ROBO1: variants seen among roughly 807,000 people sequenced by gnomAD.
The protein encoded by ROBO1 is roundabout guidance receptor 1.
ROBO1 carries 149 observed loss-of-function variants against 195.9 expected under a neutral mutation model. The observed-to-expected ratio is 0.76, with a 90% CI of 0.67 to 0.87. The LOEUF is 0.87. Ranked by LOEUF, ROBO1 falls within the 40% of genes least tolerant of loss-of-function variation. ROBO1 has a pLI of 0.00. For synonymous variants in ROBO1, 816 were observed against 733.2 expected (o/e 1.11, Z -1.82); for missense variants, 1,933 against 2,068.3 (o/e 0.93, Z 1.27).
intron 2 of ROBO1, among the ~76,000 whole-genome samples, chr3:79,494,782 G>C (rs1939642507): frequency 6.6e-6 from 1 of 152,102 alleles, no homozygotes; most frequent in Non-Finnish European, 1.5e-5. Context: ...TATTAAATGA[G>C]TATTTGAATC....
intron 5 of ROBO1, among the ~76,000 whole-genome samples, chr3:78,729,862 ATTAAAG>A (rs1197831175): frequency 6.6e-6 from 1 of 152,244 alleles, no homozygotes; most frequent in Non-Finnish European, 1.5e-5. Flanking sequence ...GCTTATAGCT[ATTAAAG>A]TTAATGTATT....
intron 2 of ROBO1, among the ~76,000 whole-genome samples, chr3:79,486,378 T>C (rs1218543368): frequency 6.6e-6 from 1 of 152,180 alleles, no homozygotes; most frequent in Non-Finnish European, 1.5e-5. Context: ...CTGCAAGACC[T>C]TTCTTGGCCA....
intron 4 of ROBO1, among the ~76,000 whole-genome samples, chr3:78,927,594 A>G (rs1204389371): frequency 6.6e-6 from 1 of 152,212 alleles, no homozygotes; most frequent in Non-Finnish European, 1.5e-5. Context: ...GTATTTTCCA[A>G]ATTATTTTTT....
chr3:78,646,218 C>T, intron 20 of ROBO1, 28 bp from the exon 21 acceptor site: 4 of 1,589,066 alleles, frequency 2.5e-6, no homozygotes, highest in Non-Finnish European at 3.4e-6. Context: ...AAAAAAGGAA[C>T]AATTAATAGA....
intron 4 of ROBO1, among the ~76,000 whole-genome samples, chr3:78,820,571 T>C (rs188612643): frequency 8.8e-4 from 134 of 152,348 alleles, no homozygotes; most frequent in African/African-American, 1.9e-3. Context: ...ATGGTATTAA[T>C]TGAGATTTTA....
intron 1 of ROBO1, among the ~76,000 whole-genome samples, chr3:79,627,214 C>T (rs141558524): frequency 6.6e-6 from 1 of 152,046 alleles, no homozygotes; most frequent in African/African-American, 2.4e-5. Context: ...GCAAAAAGAA[C>T]AAAGGTGGAG....
At chr3:78,651,548 T>C (rs1475001400) in intron 19 of ROBO1, among the ~76,000 whole-genome samples, 184 bp downstream of exon 19, 3 of 152,178 alleles carry the variant, frequency 2.0e-5, no homozygotes, top group African/African-American at 7.2e-5. Context: ...ACTCTATTTG[T>C]AGTTCTGCTA....
At chr3:79,265,433 A>G (rs1370525865) in intron 2 of ROBO1, among the ~76,000 whole-genome samples, 1 of 151,704 alleles carries the variant, frequency 6.6e-6, no homozygotes, top group African/African-American at 2.4e-5. Flanking sequence ...CTGATGAAAC[A>G]CAATTATACA....
chr3:79,512,965 A>G (rs1295510874), intron 2 of ROBO1: 4 of 152,200 alleles, frequency 2.6e-5, no homozygotes, highest in African/African-American at 9.6e-5. Context: ...GTTTGTATCA[A>G]GCACAATGAA....
chr3:79,489,331 C>G (rs1353921650), intron 2 of ROBO1, among the ~76,000 whole-genome samples: 1 of 151,956 alleles, frequency 6.6e-6, no homozygotes, highest in Non-Finnish European at 1.5e-5. Flanking sequence ...TACAATTATT[C>G]ATCATAAACA....
chr3:78,699,787 C>T (rs1406215438), intron 8 of ROBO1, among the ~76,000 whole-genome samples: 1 of 151,898 alleles, frequency 6.6e-6, no homozygotes, highest in Non-Finnish European at 1.5e-5. Flanking sequence ...TTCTTTCAGT[C>T]CTTGAGTACA....
At chr3:79,092,899 T>A (rs892447650) in intron 3 of ROBO1, among the ~76,000 whole-genome samples, 1 of 152,174 alleles carries the variant, frequency 6.6e-6, no homozygotes. Flanking sequence ...ATTTTCTTGA[T>A]TCATTCTTTA....
intron 2 of ROBO1, among the ~76,000 whole-genome samples, chr3:79,186,239 A>G (rs1172058733): frequency 6.6e-6 from 1 of 152,036 alleles, no homozygotes. Flanking sequence ...TTACACATAC[A>G]TATGTTCAAC....
intron 1 of ROBO1, among the ~76,000 whole-genome samples, chr3:79,639,374 T>C (rs1194628133): frequency 6.6e-6 from 1 of 152,178 alleles, no homozygotes; most frequent in Non-Finnish European, 1.5e-5. Context: ...AGAAGGACTG[T>C]TTTGAAGTGA....
chr3:79,029,959 C>A (rs2078264765), intron 3 of ROBO1, among the ~76,000 whole-genome samples: 1 of 152,190 alleles, frequency 6.6e-6, no homozygotes, highest in African/African-American at 2.4e-5. Flanking sequence ...ATGGTATTTT[C>A]TCTCTTCCCA....
intron 18 of ROBO1, among the ~76,000 whole-genome samples, chr3:78,656,640 C>T (rs1320198799): frequency 1.3e-5 from 2 of 152,046 alleles, no homozygotes; most frequent in South Asian, 2.1e-4. Context: ...CATGAGCCAC[C>T]GCACCTGGCC....
intron 3 of ROBO1, among the ~76,000 whole-genome samples, chr3:79,087,505 C>CTCTT (rs901164537): frequency 1.3e-4 from 19 of 151,546 alleles, no homozygotes; most frequent in Non-Finnish European, 2.2e-4. Context: ...CAGCTTCTTT[C>CTCTT]TCTTCCTTCC....
intron 2 of ROBO1, among the ~76,000 whole-genome samples, chr3:79,513,214 G>C (rs571038759): frequency 7.9e-5 from 12 of 151,944 alleles, no homozygotes; most frequent in African/African-American, 2.9e-4. Flanking sequence ...TTTCAGTCTC[G>C]TATTTTATGA....
chr3:78,773,684 C>T (rs2083434315), intron 4 of ROBO1, among the ~76,000 whole-genome samples: 1 of 152,148 alleles, frequency 6.6e-6, no homozygotes, highest in Non-Finnish European at 1.5e-5. Context: ...TTAGTCTACA[C>T]TCTGTCATGT....
Sources: allele counts gnomAD v4.1 joint callset (sites outside exome capture counted in the v4.1 genomes callset), GRCh38; gene constraint gnomAD v4.1.1; transcripts MANE v1.5; gene names NCBI Gene and HGNC (gene_info 2026-07-23, HGNC 2026-07-21).